LHCGR: variants seen among roughly 807,000 people sequenced by gnomAD.
LHCGR encodes the protein luteinizing hormone/choriogonadotropin receptor, also known as lutropin-choriogonadotropic hormone receptor.
In LHCGR, 55 loss-of-function variants were observed where a neutral mutation model predicts 60.7. The observed-to-expected ratio is 0.91, with a 90% confidence interval of 0.73 to 1.13. The LOEUF (loss-of-function observed/expected upper bound fraction) is 1.13, where lower values mean the gene tolerates loss of function less well. Ranked by LOEUF, LHCGR falls within the 50% of genes most tolerant of loss-of-function variation. LHCGR has a pLI of 0.00. For synonymous variants in LHCGR, 337 were observed against 316.5 expected (o/e 1.06, Z -0.69); for missense variants, 862 against 836.0 (o/e 1.03, Z -0.38).
At position 48,688,785 on chromosome 2, in the gene LHCGR, G is replaced by T; in HGVS notation, c.1012C>A (p.Pro338Thr). ...TCAGGAGCACATCGGGGTGTCTTGGGTAAGCAGAAACCATATTCATAGTCC... is the reference window on the plus strand; with the variant it reads ...TCAGGAGCACATCGGGGTGTCTTGGTTAAGCAGAAACCATATTCATAGTCC... ...GWDYEYGFCLPKTPRCAPEPD... is the reference protein window; with the variant it reads ...GWDYEYGFCLTKTPRCAPEPD... Residue 338 changes from proline (P) to threonine (T), a missense_variant, in exon 11 of 11, where the codon CCC becomes ACC. Coordinates refer to ENST00000294954, the MANE Select transcript of LHCGR (RefSeq NM_000233.4). The surrounding 1 kb of genome is among the most constrained non-coding windows in gnomAD (Gnocchi z 5.2). 1 of 1,614,100 alleles carries T rather than the reference G, an allele frequency of 6.2e-7. No individual in the cohort carries two copies. The highest frequency in any genetic ancestry group is 8.5e-7 in the Non-Finnish European group (1 of 1,179,998).
At chr2:48,691,677 C>G (rs1018826250) in intron 10 of LHCGR, among the ~76,000 whole-genome samples, 2 of 152,038 alleles carry the variant, frequency 1.3e-5, no homozygotes, top group African/African-American at 4.8e-5. Flanking sequence ...AAAACCCTGT[C>G]TCTACTAAAA....
chr2:48,732,944 C>A (rs1478718465), intron 1 of LHCGR: 2 of 534,344 alleles, frequency 3.7e-6, no homozygotes, highest in African/African-American at 3.9e-5. Context: ...AACAAAGGAT[C>A]CGAGAAGAAC....
At chr2:48,717,542 C>CTTATTATTA (rs34793365) in intron 6 of LHCGR, among the ~76,000 whole-genome samples, 135 of 151,064 alleles carry the variant, frequency 8.9e-4, no homozygotes, top group African/African-American at 2.9e-3. Context: ...ATGTGTTGAT[C>CTTATTATTA]TTATTATTAT....
intron 8 of LHCGR, among the ~76,000 whole-genome samples, chr2:48,705,663 T>C (rs934905505): frequency 6.6e-6 from 1 of 152,192 alleles, no homozygotes; most frequent in African/African-American, 2.4e-5. Flanking sequence ...TTTGTCTCTT[T>C]TGATCTTTGT....
intron 6 of LHCGR, among the ~76,000 whole-genome samples, chr2:48,717,856 T>C (rs950064562): frequency 3.0e-5 from 3 of 99,278 alleles, no homozygotes; most frequent in Non-Finnish European, 4.2e-5. Context: ...TTTTTTTTTT[T>C]CTGAATAGCC....
intron 9 of LHCGR, among the ~76,000 whole-genome samples, chr2:48,697,043 C>T (rs540800548): frequency 1.3e-5 from 2 of 152,320 alleles, no homozygotes; most frequent in African/African-American, 4.8e-5. Flanking sequence ...TCCCCATCCT[C>T]TAAACAACCG....
At chr2:48,704,726 A>G (rs935253646) in intron 8 of LHCGR, among the ~76,000 whole-genome samples, 3 of 152,132 alleles carry the variant, frequency 2.0e-5, no homozygotes, top group African/African-American at 4.8e-5. Context: ...CTGTGGGATC[A>G]GTGGTAATAT....
chr2:48,698,934 T>C lies in LHCGR; in HGVS notation c.681-134A>G, dbSNP rs572542843. The C allele has an allele frequency of 4.3e-4, 286 of 668,166 alleles. 1 individual carries two copies. The highest frequency in any genetic ancestry group is 4.0e-3 in the African/African-American group (221 of 54,800). 41.4% of individuals were successfully genotyped at this position (668,166 alleles called of 1,614,324 possible). On this transcript the variant is annotated intron_variant, in intron 8 of 10. Transcript: ENST00000294954. Reference sequence around the variant, plus strand: ...TCGGCTCACTGCAAGCTCCGCCTCCTGGGTTCACGCCATTCTCCTGCCTCA... The same window carrying C: ...TCGGCTCACTGCAAGCTCCGCCTCCCGGGTTCACGCCATTCTCCTGCCTCA...
At chr2:48,740,007 G>A (rs1186762099) in intron 1 of LHCGR, among the ~76,000 whole-genome samples, 3 of 152,190 alleles carry the variant, frequency 2.0e-5, no homozygotes, top group Non-Finnish European at 2.9e-5. Context: ...GCTGAAGCAG[G>A]GCGAGGCATC....
At chr2:48,693,905 C>A (rs754751870) in intron 10 of LHCGR, among the ~76,000 whole-genome samples, 2 of 152,124 alleles carry the variant, frequency 1.3e-5, no homozygotes, top group South Asian at 4.1e-4. Context: ...AAAATTCTTA[C>A]AAATGAAGGT....
chr2:48,750,825 G>A (rs1359554464), intron 1 of LHCGR, among the ~76,000 whole-genome samples: 1 of 152,176 alleles, frequency 6.6e-6, no homozygotes. Context: ...CCCCCTCCGG[G>A]GGTCATTTGC....
chr2:48,720,297 T>C (rs1036051729), intron 6 of LHCGR: 3 of 152,268 alleles, frequency 2.0e-5, no homozygotes, highest in South Asian at 2.1e-4. Flanking sequence ...TATCCCAACA[T>C]TGGTTTTCTT....
In LHCGR at chr2:48,755,589, G is replaced by T; in HGVS notation, c.83C>A (p.Ala28Glu). The change falls in exon 1 of 11, where the codon GCG becomes GAG. Residue 28 changes from alanine to glutamate, a missense_variant. Ala to Glu is a moderately radical substitution (Grantham distance 107). Coordinates refer to ENST00000294954, the MANE Select transcript of LHCGR (RefSeq NM_000233.4). Reference sequence around the variant, plus strand: ...GCAGTTGCAGGGCTCAGGGCAGAGCGCCTCGCGCAGCGCTCGTGGCAGCGG... The same window carrying T: ...GCAGTTGCAGGGCTCAGGGCAGAGCTCCTCGCGCAGCGCTCGTGGCAGCGG... ...QPPLPRALRE[A>E]LCPEPCNCVP... 1 of 1,538,008 alleles carries T rather than the reference G, an allele frequency of 6.5e-7. No individual in the cohort carries two copies. The highest frequency in any genetic ancestry group is 8.7e-7 in the Non-Finnish European group (1 of 1,145,312).
At chr2:48,708,776 TG>T in intron 8 of LHCGR, 171 bp downstream of exon 8, 1 of 693,772 alleles carries the variant, frequency 1.4e-6, no homozygotes, top group Non-Finnish European at 2.6e-6. Flanking sequence ...CCTCTCGGTT[TG>T]GGGTACTTTA....
chr2:48,699,336 C>T (rs1345572089), intron 8 of LHCGR, among the ~76,000 whole-genome samples: 1 of 152,164 alleles, frequency 6.6e-6, no homozygotes, highest in East Asian at 1.9e-4. Flanking sequence ...TTGCACCTAC[C>T]ATACATTTAT....
intron 1 of LHCGR, among the ~76,000 whole-genome samples, chr2:48,734,810 G>A (rs1226001950): frequency 4.6e-5 from 7 of 152,190 alleles, no homozygotes; most frequent in Admixed American, 4.6e-4. Flanking sequence ...AATAAAGGAA[G>A]GACAGAGCCC....
intron 3 of LHCGR, 145 bp from the exon 4 acceptor site, chr2:48,725,895 G>A: frequency 1.4e-6 from 1 of 710,160 alleles, no homozygotes; most frequent in Non-Finnish European, 2.6e-6. Flanking sequence ...AGGACCCCTA[G>A]CGACTCTGGG....
At chr2:48,694,680 G>A (rs973803665) in intron 9 of LHCGR, among the ~76,000 whole-genome samples, 1 of 152,138 alleles carries the variant, frequency 6.6e-6, no homozygotes, top group Non-Finnish European at 1.5e-5. Flanking sequence ...TAGTCATTCT[G>A]TGTTCATGGT....
intron 1 of LHCGR, among the ~76,000 whole-genome samples, chr2:48,750,866 A>G (rs1436332317): frequency 6.6e-6 from 1 of 152,168 alleles, no homozygotes; most frequent in African/African-American, 2.4e-5. Flanking sequence ...TGGTTGTCAC[A>G]ATTTGGGAAG....
Sources: gnomAD v4.1 joint callset for allele counts (sites outside exome capture counted in the v4.1 genomes callset) on GRCh38, gnomAD v4.1.1 for gene constraint, Gnocchi (gnomAD v3.1) non-coding constraint, MANE v1.5 for transcripts, NCBI Gene and HGNC (gene_info 2026-07-23, HGNC 2026-07-21) for gene names.